MOSMO: variants seen among roughly 807,000 people sequenced by gnomAD.
MOSMO encodes modulator of smoothened.
In MOSMO, 5 loss-of-function variants were observed where a neutral mutation model predicts 18.4. The observed-to-expected ratio is 0.27, with a 90% CI of 0.14 to 0.57. The LOEUF (loss-of-function observed/expected upper bound fraction) is 0.57, where lower values mean the gene tolerates loss of function less well. Ranked by LOEUF, MOSMO falls within the 20% of genes least tolerant of loss-of-function variation. The pLI, the probability that MOSMO is intolerant of heterozygous loss-of-function variation, is 0.92. For missense variants in MOSMO, 138 were observed against 211.8 expected (o/e 0.65, Z 2.16); for synonymous variants, 82 against 82.3 (o/e 1.00, Z 0.02).
At chr16:22,091,888 G>T (rs1307809360), downstream of MOSMO, among the ~76,000 whole-genome samples, 1 of 152,146 alleles carries the variant, frequency 6.6e-6, no homozygotes, top group African/African-American at 2.4e-5. Flanking sequence ...TCCCAGCTAT[G>T]GGCCAAGGAC....
chr16:22,030,372 C>T (rs1899969210), intron 1 of MOSMO, among the ~76,000 whole-genome samples: 1 of 152,186 alleles, frequency 6.6e-6, no homozygotes, highest in Non-Finnish European at 1.5e-5. Flanking sequence ...AAGTGTATGT[C>T]TGCACAAAGC....
At chr16:22,068,148 A>G (rs1255083399) in intron 1 of MOSMO, among the ~76,000 whole-genome samples, 1 of 152,220 alleles carries the variant, frequency 6.6e-6, no homozygotes, top group Non-Finnish European at 1.5e-5. Context: ...GTCAGTACAA[A>G]TATATTTTTG....
At chr16:22,010,501 G>A (rs1899501980) in intron 1 of MOSMO, among the ~76,000 whole-genome samples, 1 of 152,166 alleles carries the variant, frequency 6.6e-6, no homozygotes, top group Non-Finnish European at 1.5e-5. Context: ...TTACAAAGAA[G>A]TTTTAGATAG....
rs550054805 is a variant in MOSMO, at chr16:22,062,634, T to A, written c.107-12853T>A. ...CATAGCACCTGGCCTATTTCCTTTTTTAAAAGTATATCGACATAGCAACAC... is the reference window on the plus strand; with the variant it reads ...CATAGCACCTGGCCTATTTCCTTTTATAAAAGTATATCGACATAGCAACAC... On this transcript the variant is annotated intron_variant, in intron 1 of 2. Transcript: ENST00000542527. Among the ~76,000 whole-genome samples the A allele has an allele frequency of 2.6e-5, 4 of 152,264 alleles. No individual in the cohort carries two copies. In the East Asian group the frequency reaches 7.7e-4, roughly 29 times the overall value.
chr16:22,011,377 A>G (rs1340512914), intron 1 of MOSMO, among the ~76,000 whole-genome samples: 1 of 152,366 alleles, frequency 6.6e-6, no homozygotes, highest in East Asian at 1.9e-4. Context: ...ATACATTGCA[A>G]CAAAATGACA....
chr16:22,010,329 T>C (rs1899498049), intron 1 of MOSMO, among the ~76,000 whole-genome samples: 1 of 152,204 alleles, frequency 6.6e-6, no homozygotes, highest in Non-Finnish European at 1.5e-5. Context: ...GAAAATATTG[T>C]TGCTGCCCGA....
intron 1 of MOSMO, among the ~76,000 whole-genome samples, chr16:22,050,846 A>G (rs569888431): frequency 2.0e-5 from 3 of 148,650 alleles, no homozygotes; most frequent in African/African-American, 7.4e-5. Flanking sequence ...ACAGTGAGCT[A>G]TGATCCAGCC....
At chr16:22,043,938 G>A (rs1206685332) in intron 1 of MOSMO, among the ~76,000 whole-genome samples, 2 of 152,176 alleles carry the variant, frequency 1.3e-5, no homozygotes, top group Admixed American at 6.5e-5. Context: ...CGTGACTGGG[G>A]AGGCCTCACA....
downstream of MOSMO, among the ~76,000 whole-genome samples, chr16:22,091,171 CT>C (rs1257351215): frequency 4.6e-5 from 7 of 152,172 alleles, no homozygotes; most frequent in Admixed American, 3.9e-4. Context: ...CTTCTTACCT[CT>C]TTCTGATCTT....
intron 1 of MOSMO, among the ~76,000 whole-genome samples, chr16:22,059,925 C>T (rs546408897): frequency 6.6e-6 from 1 of 152,308 alleles, no homozygotes; most frequent in African/African-American, 2.4e-5. Context: ...GCCTGTAACC[C>T]CAACACTTTG....
chr16:22,020,792 A>G (rs1899745024), intron 1 of MOSMO, among the ~76,000 whole-genome samples: 1 of 152,226 alleles, frequency 6.6e-6, no homozygotes. Flanking sequence ...AAGGAACAAG[A>G]AAGTGCAGCT....
intron 1 of MOSMO, among the ~76,000 whole-genome samples, chr16:22,058,286 C>A (rs1266687738): frequency 6.6e-6 from 1 of 151,870 alleles, no homozygotes; most frequent in Non-Finnish European, 1.5e-5. Context: ...ATTAGCCGGG[C>A]GTGATGGCGT....
At chr16:22,029,879 T>G (rs1424948058) in intron 1 of MOSMO, among the ~76,000 whole-genome samples, 1 of 152,192 alleles carries the variant, frequency 6.6e-6, no homozygotes, top group Non-Finnish European at 1.5e-5. Context: ...CTTCCTGCCT[T>G]GACCTCCCGA....
chr16:22,044,880 T>C (rs1900277093), intron 1 of MOSMO, among the ~76,000 whole-genome samples: 1 of 152,024 alleles, frequency 6.6e-6, no homozygotes, highest in African/African-American at 2.4e-5. Context: ...AGCTTACATA[T>C]AATAGCAATA....
chr16:22,024,439 A>T (rs899207183), intron 1 of MOSMO, among the ~76,000 whole-genome samples: 3 of 150,774 alleles, frequency 2.0e-5, no homozygotes, highest in African/African-American at 7.3e-5. Flanking sequence ...ATCTCGGCTC[A>T]CTGCCACCTC....
chr16:22,052,889 A>G (rs1044157552), intron 1 of MOSMO, among the ~76,000 whole-genome samples: 1 of 152,044 alleles, frequency 6.6e-6, no homozygotes, highest in African/African-American at 2.4e-5. Context: ...CTCAGGAGAG[A>G]AAACGAGATT....
chr16:22,017,917 C>T (rs539989085), intron 1 of MOSMO, among the ~76,000 whole-genome samples: 4 of 152,062 alleles, frequency 2.6e-5, no homozygotes, highest in Non-Finnish European at 5.9e-5. Flanking sequence ...GTGTTGCTAT[C>T]AATGGTACTT....
chr16:22,073,768 G>A (rs1204009720), intron 1 of MOSMO, among the ~76,000 whole-genome samples: 1 of 151,402 alleles, frequency 6.6e-6, no homozygotes, highest in Non-Finnish European at 1.5e-5. Context: ...AGAAGGTGGT[G>A]TGTGGCATAG....
intron 1 of MOSMO, among the ~76,000 whole-genome samples, chr16:22,055,902 A>G (rs1368016122): frequency 6.6e-6 from 1 of 152,192 alleles, no homozygotes; most frequent in African/African-American, 2.4e-5. Context: ...ATGACTTTTC[A>G]TTATGCCTCT....
Sources: allele counts gnomAD v4.1 joint callset (sites outside exome capture counted in the v4.1 genomes callset), GRCh38; gene constraint gnomAD v4.1.1; transcripts MANE v1.5; gene names NCBI Gene and HGNC (gene_info 2026-07-23, HGNC 2026-07-21).